TMEM161A: variants seen among roughly 807,000 people sequenced by gnomAD.
TMEM161A encodes the protein transmembrane protein 161A.
In TMEM161A, 46 loss-of-function variants were observed where a neutral mutation model predicts 57.1. The ratio of observed to expected loss-of-function variants is 0.81; its 90% CI spans 0.64 to 1.03. TMEM161A has a LOEUF of 1.03. Ranked by LOEUF, TMEM161A falls within the 50% of genes least tolerant of loss-of-function variation. The pLI is 0.00. For missense variants in TMEM161A, 601 were observed against 621.5 expected, an observed-to-expected ratio of 0.97 and a Z score of 0.35; for synonymous variants, 288 against 279.0, an observed-to-expected ratio of 1.03 and a Z score of -0.32.
chr19:19,133,444 G>A (rs1266176651), intron 2 of TMEM161A: 1 of 498,118 alleles, frequency 2.0e-6, no homozygotes, highest in Admixed American at 3.7e-5. Flanking sequence ...ACTCTCCTGG[G>A]GAAGCCAGTG....
Position 19,134,803 on chromosome 19 carries a change from A to G in TMEM161A, c.88T>C (p.Trp30Arg), listed in dbSNP as rs1213950501. 7.6e-6 allele frequency: 12 copies of G among 1,579,070 alleles called. No individual in the cohort carries two copies. Among genetic ancestry groups the G allele is most frequent in the Non-Finnish European group, 1.0e-5 (12 of 1,162,708 alleles). The change falls in exon 2 of 12, where the codon TGG becomes CGG. Residue 30 changes from tryptophan to arginine, a missense_variant. Physicochemically the swap from Trp to Arg is moderately radical, Grantham distance 101 (BLOSUM62 -3). Coordinates refer to ENST00000162044, the MANE Select transcript of TMEM161A (RefSeq NM_017814.3). ...GCTCACCTGCCGTTACAGAGCAGCCAGCGCGCGAAGGAGCAGTGTGGCGCC... is the reference window on the plus strand; with the variant it reads ...GCTCACCTGCCGTTACAGAGCAGCCGGCGCGCGAAGGAGCAGTGTGGCGCC... ...RLAPHCSFAR[W>R]LLCNGSLFRY... is the part of the protein sequence containing the mutation.
intron 5 of TMEM161A, chr19:19,130,527 G>A: frequency 1.7e-6 from 1 of 585,694 alleles, no homozygotes; most frequent in South Asian, 2.1e-5. Flanking sequence ...AGGCCACCGT[G>A]TCTGTACAGC....
chr19:19,133,022 G>T, intron 3 of TMEM161A, 108 bp downstream of exon 3: 2 of 1,021,842 alleles, frequency 2.0e-6, no homozygotes, highest in Non-Finnish European at 2.9e-6. Context: ...GGAAGTATGG[G>T]TGGGCCGGTC....
chr19:19,134,501 T>C lies in TMEM161A; in HGVS notation c.107+283A>G, dbSNP rs776796613. Among the ~76,000 whole-genome samples, 12 of 152,018 alleles carry C rather than the reference T, an allele frequency of 7.9e-5. 1 individual carries two copies. The highest frequency in any genetic ancestry group is 4.1e-4 in the South Asian group (2 of 4,822). On this transcript the variant is annotated intron_variant, in intron 2 of 11. Transcript: ENST00000162044. ...CCTGTAGTCCCAGCTACTCAGGAGA[T>C]TGAGGCAGGAGGGTCACTTGAGCCC...
chr19:19,132,546 C>A lies in TMEM161A; in HGVS notation c.287-38G>T. ...CTCTGCTCAGCCCTGGGGCCCAGCT[C>A]GCTCCCCTCCTAATAGAACATTCTT... is the stretch of plus-strand genomic sequence containing the variant. On this transcript the variant is annotated intron_variant, in intron 4 of 11. Transcript: ENST00000162044. This position sits in a 1 kb window ranked among gnomAD's most constrained non-coding sequence, Gnocchi z 4.3. The A allele has an allele frequency of 6.2e-7, 1 of 1,601,438 alleles. No individual in the cohort carries two copies. Among genetic ancestry groups the A allele is most frequent in the South Asian group, 1.1e-5 (1 of 89,108 alleles).
chr19:19,126,716 A>G (rs953337237), intron 6 of TMEM161A, among the ~76,000 whole-genome samples: 12 of 151,994 alleles, frequency 7.9e-5, no homozygotes, highest in African/African-American at 2.9e-4. Context: ...CTAAAAATGC[A>G]AAAATTAGCC....
At chr19:19,127,768 G>GAA (rs61271715) in intron 6 of TMEM161A, among the ~76,000 whole-genome samples, 1 of 142,830 alleles carries the variant, frequency 7.0e-6, no homozygotes. Context: ...CATCTCTACA[G>GAA]AAAAAAAAAA....
chr19:19,126,120 CG>C (rs1429378601), intron 6 of TMEM161A, among the ~76,000 whole-genome samples: 1 of 150,326 alleles, frequency 6.7e-6, no homozygotes, highest in African/African-American at 2.5e-5. Flanking sequence ...TACTAGAGAT[CG>C]CCCACTGCAC....
At chr19:19,134,739 G>T in intron 2 of TMEM161A, 45 bp downstream of exon 2, 2 of 1,415,808 alleles carry the variant, frequency 1.4e-6, no homozygotes, top group Non-Finnish European at 1.9e-6. Context: ...AGCCAGAAGG[G>T]GGCGTGACTC....
chr19:19,120,727 C>A (rs1429878994), intron 11 of TMEM161A, 38 bp downstream of exon 11: 1 of 1,549,284 alleles, frequency 6.5e-7, no homozygotes, highest in African/African-American at 1.4e-5. Flanking sequence ...TATCTTCCAA[C>A]TCCGCCCCTC....
intron 5 of TMEM161A, 147 bp from the exon 6 acceptor site, chr19:19,130,454 G>T: frequency 1.0e-6 from 1 of 953,742 alleles, no homozygotes; most frequent in Non-Finnish European, 1.6e-6. Context: ...TCGGTTTTGG[G>T]GTGCTGGATC....
In TMEM161A at chr19:19,132,531, C is replaced by A. The variant is rs1281606187; in HGVS notation, c.287-23G>T. 1.9e-6 allele frequency: 3 copies of A among 1,607,920 alleles called. No individual in the cohort carries two copies. Among genetic ancestry groups the A allele is most frequent in the African/African-American group, 2.7e-5 (2 of 74,772 alleles). On this transcript the variant is annotated intron_variant, in intron 4 of 11. Transcript: ENST00000162044. This position sits in a 1 kb window ranked among gnomAD's most constrained non-coding sequence, Gnocchi z 4.3. ...GGACTGTGGGGGGCACTCTGCTCAG[C>A]CCTGGGGCCCAGCTCGCTCCCCTCC...
intron 11 of TMEM161A, among the ~76,000 whole-genome samples, chr19:19,120,448 C>T (rs1304021740): frequency 4.6e-5 from 7 of 151,534 alleles, no homozygotes; most frequent in Non-Finnish European, 8.8e-5. Flanking sequence ...CGCAACCCCT[C>T]CCCAGGCTCC....
In TMEM161A at chr19:19,120,144, G is replaced by A. The variant is rs1269087147; in HGVS notation, c.1226C>T (p.Ser409Phe). The A allele has an allele frequency of 4.5e-6, 7 of 1,561,474 alleles. No homozygotes were observed. Among genetic ancestry groups the A allele is most frequent in the Admixed American group, 1.9e-5 (1 of 51,718 alleles). ...SWGLGPAPLL[S>F]PDPSSASAAP... ...AGCGCTGGCTGAGGATGGGTCGGGG[G>A]ATAGTAGAGGAGCTGGGCCCAGGCC... The change falls in exon 12 of 12, where the codon TCC (serine) becomes TTC (phenylalanine). Residue 409 changes from serine to phenylalanine, a missense_variant. Physicochemically the swap from Ser to Phe is radical, Grantham distance 155. Transcript: ENST00000162044.
At position 19,121,560 on chromosome 19, in the gene TMEM161A, G is replaced by A. The variant is rs147259872; in HGVS notation, c.765C>T (p.Asp255=). 602 of 1,613,826 alleles carry A rather than the reference G, an allele frequency of 3.7e-4. 1 individual carries two copies. The highest frequency in any genetic ancestry group is 4.8e-4 in the Non-Finnish European group (565 of 1,179,968). The change falls in exon 8 of 12, where the codon GAC becomes GAT. Residue 255 remains aspartate, a synonymous_variant. Coordinates refer to ENST00000162044, the MANE Select transcript of TMEM161A (RefSeq NM_017814.3). This position sits in a 1 kb window ranked among gnomAD's most constrained non-coding sequence, Gnocchi z 5.8. ...GTCTGTCCTCCGACATGGTCAGTGC[G>A]TCCCGGTGGGTCTGGGCCAGCCGCA... ...PGLRLAQTHR[D]ALTMSEDRPM...
Position 19,132,456 on chromosome 19 carries a change from C to A in TMEM161A, c.339G>T (p.Ser113=). The A allele has an allele frequency of 6.2e-7, 1 of 1,614,142 alleles. No homozygotes were observed. Among genetic ancestry groups the A allele is most frequent in the South Asian group, 1.1e-5 (1 of 91,080 alleles). Residue 113 remains serine (S), a synonymous_variant, in exon 5 of 12, where the codon TCG becomes TCT. Transcript: ENST00000162044. This position sits in a 1 kb window ranked among gnomAD's most constrained non-coding sequence, Gnocchi z 4.3. ...CCTCTGTGAAGAGGTACACGCCGCC[C>A]GAGTACACAGCAAAGTCCACAAACC... is the stretch of plus-strand genomic sequence containing the variant. ...YQWFVDFAVY[S]GGVYLFTEAY...
chr19:19,133,525 G>A (rs2059969798), intron 2 of TMEM161A, among the ~76,000 whole-genome samples: 1 of 152,234 alleles, frequency 6.6e-6, no homozygotes, highest in Non-Finnish European at 1.5e-5. Flanking sequence ...AGACTGGAGT[G>A]CAGTGGCATG....
At position 19,121,409 on chromosome 19, in the gene TMEM161A, G is replaced by A. The variant is rs1487786270; in HGVS notation, c.813C>T (p.His271=). The change falls in exon 9 of 12, where the codon CAC becomes CAT. Residue 271 remains histidine, a synonymous_variant. Transcript: ENST00000162044. The surrounding 1 kb of genome is among the most constrained non-coding windows in gnomAD (Gnocchi z 5.8). ...EDRPMLQFLL[H]TSFLSPLFIL... ...TGAACAGGGGAGACAGGAAGCTGGT[G>A]TGCAGGAGGAACCTGGGGGGTGAGG... 6.2e-7 allele frequency: 1 copy of A among 1,613,770 alleles called. No individual in the cohort carries two copies. Among genetic ancestry groups the A allele is most frequent in the Admixed American group, 1.7e-5 (1 of 59,982 alleles).
In TMEM161A at chr19:19,130,214, C is replaced by A. The variant is rs1257607638; in HGVS notation, c.537G>T (p.Leu179=). 1 of 1,613,834 alleles carries A rather than the reference C, an allele frequency of 6.2e-7. No homozygotes were observed. The highest frequency in any genetic ancestry group is 1.3e-5 in the African/African-American group (1 of 74,944). Residue 179 remains leucine, a synonymous_variant, in exon 6 of 12, where the codon CTG becomes CTT. Transcript: ENST00000162044. ...VCLTFAFLFL[L]LAMLVQVVRE... Reference sequence around the variant, plus strand: ...GCACCACTTGCACCAGCATGGCCAGCAGCAGGAAGAGGAAGGCAAAGGTGA... The same window carrying A: ...GCACCACTTGCACCAGCATGGCCAGAAGCAGGAAGAGGAAGGCAAAGGTGA...
Sources: gnomAD v4.1 joint callset for allele counts (sites outside exome capture counted in the v4.1 genomes callset) on GRCh38, gnomAD v4.1.1 for gene constraint, Gnocchi (gnomAD v3.1) non-coding constraint, MANE v1.5 for transcripts, NCBI Gene and HGNC (gene_info 2026-07-23, HGNC 2026-07-21) for gene names.